The following ARL3 variants were observed in gnomAD, a reference collection of about 807,000 sequenced individuals.
The protein encoded by ARL3 is ADP-ribosylation factor-like protein 3.
Under a neutral mutation model 26.0 loss-of-function variants are expected in ARL3, and 9 were observed. That is an observed-to-expected ratio of 0.35 (90% CI 0.21 to 0.60). The LOEUF is 0.60. ARL3 is among the 20% of genes least tolerant of loss of function. The pLI, the probability that ARL3 is intolerant of heterozygous loss-of-function variation, is 0.78. For synonymous variants in ARL3, 71 were observed against 78.4 expected, an observed-to-expected ratio of 0.91 and a Z score of 0.50; for missense variants, 158 against 215.7, an observed-to-expected ratio of 0.73 and a Z score of 1.67.
intron 5 of ARL3, among the ~76,000 whole-genome samples, chr10:102,685,551 A>G (rs978118787): frequency 2.0e-5 from 3 of 152,206 alleles, no homozygotes; most frequent in Non-Finnish European, 4.4e-5. Flanking sequence ...AAAGAATCCT[A>G]GAGTTAGAGA....
At chr10:102,705,199 T>C in intron 2 of ARL3, 147 bp downstream of exon 2, 1 of 928,044 alleles carries the variant, frequency 1.1e-6, no homozygotes, top group Non-Finnish European at 1.5e-6. Flanking sequence ...TTACATATTT[T>C]TGAAATCTGG....
rs1395934652 is a variant in ARL3, at chr10:102,676,778, TC to T, written c.*115del. The T allele has an allele frequency of 9.1e-7, 1 of 1,096,448 alleles. No individual in the cohort carries two copies. Among genetic ancestry groups the T allele is most frequent in the African/African-American group, 1.5e-5 (1 of 64,690 alleles). The allele number at this position is 1,096,448 out of a possible 1,614,324, so 67.9% of individuals were successfully genotyped here. A position where few individuals can be genotyped will look rare whatever the true frequency, so the allele number is the denominator to read the frequency against. ...TTCTAAACCGTGTTGTTCCCTCTCT[TC>T]AAACAGCTGGAGCTGTACACAGATG... On this transcript the variant is annotated 3_prime_UTR_variant, in exon 6 of 6. Coordinates refer to ENST00000260746, the MANE Select transcript of ARL3 (RefSeq NM_004311.4).
chr10:102,709,365 C>T (rs915507397), intron 1 of ARL3, among the ~76,000 whole-genome samples: 3 of 150,454 alleles, frequency 2.0e-5, no homozygotes, highest in African/African-American at 7.4e-5. Flanking sequence ...CAAGGCCAGG[C>T]ACAGTGGTTC....
chr10:102,692,701 C>A lies in ARL3; in HGVS notation c.265-2758G>T, dbSNP rs376436727. On this transcript the variant is annotated intron_variant, in intron 3 of 5. Transcript: ENST00000260746. ...AAAGTGCTGGGATTACAGGTGTGAG[C>A]CCTCCGTGTCTTTTTTCTTTTTTTT... Among the ~76,000 whole-genome samples, 7 of 151,746 alleles carry A rather than the reference C, an allele frequency of 4.6e-5. No homozygotes were observed. The East Asian group carries it at 1.4e-3, about 30-fold the overall frequency.
intron 5 of ARL3, among the ~76,000 whole-genome samples, chr10:102,683,940 C>T (rs1292842928): frequency 6.6e-6 from 1 of 152,196 alleles, no homozygotes; most frequent in Non-Finnish European, 1.5e-5. Context: ...CTCTAGTTCT[C>T]CTTTTTCACA....
In ARL3 at chr10:102,699,471, C is replaced by G; in HGVS notation, c.166G>C (p.Val56Leu). The G allele has an allele frequency of 6.2e-7, 1 of 1,607,936 alleles. No individual in the cohort carries two copies. The highest frequency in any genetic ancestry group is 8.5e-7 in the Non-Finnish European group (1 of 1,175,644). The stretch of plus-strand genomic sequence containing the variant: ...TTCAGTTTAAAACCTTGTGATTGTA[C>G]ACTTTTGATGTTGAAACCCTGAAAC... ...TPTQGFNIKS[V>L]QSQGFKLNVW... is the part of the protein sequence containing the mutation. The change falls in exon 3 of 6, where the codon GTA becomes CTA. Residue 56 changes from valine (V) to leucine (L), a missense_variant. By Grantham distance (32) the Val-to-Leu change is conservative. Transcript: ENST00000260746.
Position 102,694,550 on chromosome 10 carries a change from A to G in ARL3, c.265-4607T>C, listed in dbSNP as rs867247908. Among the ~76,000 whole-genome samples, 10 of 151,330 alleles carry G rather than the reference A, an allele frequency of 6.6e-5. No individual in the cohort carries two copies. The Middle Eastern group carries it at 0.01, about 154-fold the overall frequency. ...TGGGTCTAGATTCTTTTTTTTTTGC[A>G]TGTCGATGTCCCATTATTCCAGCGC... On this transcript the variant is annotated intron_variant, in intron 3 of 5. Transcript: ENST00000260746.
Position 102,685,880 on chromosome 10 carries a change from T to G in ARL3, c.437A>C (p.His146Pro). The change falls in exon 5 of 6, where the codon CAT becomes CCT. Residue 146 changes from histidine (H) to proline (P), a missense_variant. Transcript: ENST00000260746. Reference protein sequence around the residue: ...ASEIAEGLNLHTIRDRVWQIQ... With the variant: ...ASEIAEGLNLPTIRDRVWQIQ... ...CTGCCAGACTCGGTCGCGGATGGTA[T>G]GCAGGTTCAGTCCTTCTGCAATTTC... is the stretch of plus-strand genomic sequence containing the variant. 1 of 1,614,180 alleles carries G rather than the reference T, an allele frequency of 6.2e-7. No homozygotes were observed. Among genetic ancestry groups the G allele is most frequent in the East Asian group, 2.2e-5 (1 of 44,886 alleles).
Position 102,708,886 on chromosome 10 carries a change from T to TAATATATATATATATATA in ARL3, c.4-3398_4-3397insTATATATATATATATATT, listed in dbSNP as rs60736499. On this transcript the variant is annotated intron_variant, in intron 1 of 5. Transcript: ENST00000260746. Reference sequence around the variant, plus strand: ...CAAAAACAAAAAATAAAACCATATATTATATATATATATATATATATATTT... The same window carrying TAATATATATATATATATA: ...CAAAAACAAAAAATAAAACCATATATAATATATATATATATATATATATATATATATATATATATATTT... Among the ~76,000 whole-genome samples the TAATATATATATATATATA allele has an allele frequency of 8.4e-4, 76 of 90,354 alleles. 3 individuals carry two copies. The highest frequency in any genetic ancestry group is 2.6e-3 in the African/African-American group (55 of 21,060). The allele number at this position is 90,354 out of a possible 152,430, so 59.3% of individuals were successfully genotyped here. A position where few individuals can be genotyped will look rare whatever the true frequency, so the allele number is the denominator to read the frequency against.
At chr10:102,688,279 T>C (rs528677373) in intron 4 of ARL3, among the ~76,000 whole-genome samples, 31 of 152,270 alleles carry the variant, frequency 2.0e-4, no homozygotes, top group African/African-American at 7.0e-4. Flanking sequence ...GGCAGATGAC[T>C]ACATAGGACC....
intron 1 of ARL3, among the ~76,000 whole-genome samples, 182 bp downstream of exon 1, chr10:102,714,091 C>A (rs960826254): frequency 1.4e-4 from 21 of 152,248 alleles, no homozygotes; most frequent in South Asian, 6.2e-4. Flanking sequence ...AGGCCCAGGC[C>A]TCCCTCCAGG....
chr10:102,685,994 G>T lies in ARL3; in HGVS notation c.323C>A (p.Ala108Glu). ...KRFEETGQEL[A>E]ELLEEEKLSC... The stretch of plus-strand genomic sequence containing the variant: ...TAGTTTTTCTTCCTCCAGTAATTCC[G>T]CTAGTTCCTGGATTTTGAGAAGGGA... Residue 108 changes from alanine to glutamate, a missense_variant, in exon 5 of 6, where the codon GCG becomes GAG. Physicochemically the swap from Ala to Glu is moderately radical, Grantham distance 107. Transcript: ENST00000260746. 6.2e-7 allele frequency: 1 copy of T among 1,612,168 alleles called. No individual in the cohort carries two copies. Among genetic ancestry groups the T allele is most frequent in the Non-Finnish European group, 8.5e-7 (1 of 1,178,996 alleles).
At position 102,714,363 on chromosome 10, in the gene ARL3, C is replaced by T. The variant is rs1008391023; in HGVS notation, c.-88G>A. 2 of 1,233,200 alleles carry T rather than the reference C, an allele frequency of 1.6e-6. No homozygotes were observed. The highest frequency in any genetic ancestry group is 2.1e-6 in the Non-Finnish European group (2 of 967,196). The allele number at this position is 1,233,200 out of a possible 1,614,324, so 76.4% of individuals were successfully genotyped here. On this transcript the variant is annotated 5_prime_UTR_variant, in exon 1 of 6. Coordinates refer to ENST00000260746, the MANE Select transcript of ARL3 (RefSeq NM_004311.4). Reference sequence around the variant, plus strand: ...TGCTGCGGCGCCGCCCCCGACGTCCCTCGCACGCACAGCTGAGGAGCTGAG... The same window carrying T: ...TGCTGCGGCGCCGCCCCCGACGTCCTTCGCACGCACAGCTGAGGAGCTGAG...
At chr10:102,693,748 C>T (rs1194840185) in intron 3 of ARL3, among the ~76,000 whole-genome samples, 1 of 152,170 alleles carries the variant, frequency 6.6e-6, no homozygotes, top group Non-Finnish European at 1.5e-5. Context: ...TCACAGCTCA[C>T]TGCAGACTCA....
intron 1 of ARL3, among the ~76,000 whole-genome samples, chr10:102,707,985 C>A (rs1236712469): frequency 1.3e-5 from 2 of 152,196 alleles, no homozygotes; most frequent in East Asian, 3.9e-4. Context: ...GTGAACACGG[C>A]TAACTGCAGC....
intron 5 of ARL3, among the ~76,000 whole-genome samples, chr10:102,682,081 G>A (rs2064158338): frequency 6.6e-6 from 1 of 152,156 alleles, no homozygotes; most frequent in African/African-American, 2.4e-5. Context: ...GGCAACCTGG[G>A]CCTGACCTCG....
chr10:102,713,872 C>A (rs1186290157), intron 1 of ARL3, among the ~76,000 whole-genome samples: 1 of 152,256 alleles, frequency 6.6e-6, no homozygotes, highest in African/African-American at 2.4e-5. Context: ...GGGCTCCAGA[C>A]GAACCCCACT....
chr10:102,710,438 T>C (rs1218248015), intron 1 of ARL3, among the ~76,000 whole-genome samples: 1 of 152,220 alleles, frequency 6.6e-6, no homozygotes, highest in Admixed American at 6.5e-5. Flanking sequence ...TCTATACATA[T>C]ATGCCCATAT....
chr10:102,686,443 T>A (rs1400701509), intron 4 of ARL3, among the ~76,000 whole-genome samples: 1 of 150,862 alleles, frequency 6.6e-6, no homozygotes, highest in African/African-American at 2.4e-5. Context: ...AGAGTAGTGA[T>A]TCTCAAACTT....
Sources: allele counts gnomAD v4.1 joint callset (sites outside exome capture counted in the v4.1 genomes callset), GRCh38; gene constraint gnomAD v4.1.1; transcripts MANE v1.5; gene names NCBI Gene and HGNC (gene_info 2026-07-23, HGNC 2026-07-21).